The following CLCNKB variants were observed in gnomAD, a reference collection of about 807,000 sequenced individuals.
CLCNKB encodes the protein chloride channel protein ClC-Kb.
Under a neutral mutation model 83.8 loss-of-function variants are expected in CLCNKB, and 74 were observed. The ratio of observed to expected loss-of-function variants is 0.88; its 90% CI spans 0.73 to 1.07. The LOEUF is 1.07. Ranked by LOEUF, CLCNKB falls within the 50% of genes least tolerant of loss-of-function variation. The pLI is 0.00. For missense variants in CLCNKB, 798 were observed against 893.6 expected (o/e 0.89, Z 1.36); for synonymous variants, 358 against 356.6 (o/e 1.00, Z -0.04).
intron 5 of CLCNKB, 39 bp from the exon 6 acceptor site, chr1:16,048,304 G>A: frequency 6.2e-7 from 1 of 1,611,038 alleles, no homozygotes; most frequent in Non-Finnish European, 8.5e-7. Flanking sequence ...CGTCTCTGCT[G>A]CCCTCACCTG....
At chr1:16,056,310 C>A (rs1243646708) in intron 18 of CLCNKB, 112 bp from the exon 19 acceptor site, 1 of 1,101,236 alleles carries the variant, frequency 9.1e-7, no homozygotes, top group South Asian at 1.2e-5. Flanking sequence ...CTCTTGTCTC[C>A]CACACACATC....
At chr1:16,051,623 C>T in intron 13 of CLCNKB, 76 bp downstream of exon 13, 1 of 1,606,554 alleles carries the variant, frequency 6.2e-7, no homozygotes, top group African/African-American at 1.3e-5. Flanking sequence ...TCACCCTCCC[C>T]AGGTTGTACT....
chr1:16,049,350 T>G, intron 8 of CLCNKB, 105 bp downstream of exon 8: 1 of 1,549,644 alleles, frequency 6.5e-7, no homozygotes, highest in Non-Finnish European at 8.7e-7. Context: ...TCCCTCTCTC[T>G]CCCTCTTTTT....
chr1:16,051,356 T>G, intron 12 of CLCNKB, 122 bp from the exon 13 acceptor site: 3 of 1,274,438 alleles, frequency 2.4e-6, no homozygotes, highest in Admixed American at 3.4e-5. Flanking sequence ...ACTCTGGCAG[T>G]GGGTGCATGG....
chr1:16,055,475 G>C lies in CLCNKB; in HGVS notation c.1797G>C (p.Leu599=), dbSNP rs144157543. The C allele has an allele frequency of 6.2e-7, 1 of 1,613,282 alleles. No homozygotes were observed. The highest frequency in any genetic ancestry group is 8.5e-7 in the Non-Finnish European group (1 of 1,179,968). ...TGGGCATAGTGCGAAGGGCCCAGCT[G>C]GTGCAGGCCCTGAAGGCTGAGCCTC... is the stretch of plus-strand genomic sequence containing the variant. ...ILVGIVRRAQ[L]VQALKAEPPS... The change falls in exon 17 of 20, where the codon CTG becomes CTC. Residue 599 remains leucine, a synonymous_variant. Coordinates refer to ENST00000375679, the MANE Select transcript of CLCNKB (RefSeq NM_000085.5).
At chr1:16,048,118 C>G in intron 5 of CLCNKB, 74 bp downstream of exon 5, 1 of 1,557,672 alleles carries the variant, frequency 6.4e-7, no homozygotes, top group East Asian at 2.3e-5. Context: ...CATCACCCCA[C>G]GAAAGCTGCG....
chr1:16,045,747 GC>G lies in CLCNKB; in HGVS notation c.229+63del, dbSNP rs1420371932. On this transcript the variant is annotated intron_variant, in intron 3 of 19. Coordinates refer to ENST00000375679, the MANE Select transcript of CLCNKB (RefSeq NM_000085.5). ...GGGATTCTGAGCTCTCTCTGGGGAT[GC>G]CAGGTGGATGTCGCCAGGTGCAGCG... 3 of 1,421,672 alleles carry G rather than the reference GC, an allele frequency of 2.1e-6. No individual in the cohort carries two copies. The East Asian group carries it at 1.0e-4, about 48-fold the overall frequency. The allele number at this position is 1,421,672 out of a possible 1,614,324, so 88.1% of individuals were successfully genotyped here. A position where few individuals can be genotyped will look rare whatever the true frequency, so the allele number is the denominator to read the frequency against.
Position 16,056,424 on chromosome 1 carries a change from A to T in CLCNKB, c.1932A>T (p.Ala644=). 1.2e-6 allele frequency: 2 copies of T among 1,614,004 alleles called. No individual in the cohort carries two copies. The highest frequency in any genetic ancestry group is 1.7e-6 in the Non-Finnish European group (2 of 1,179,976). Residue 644 remains alanine, a splice_region_variant and synonymous_variant, in exon 19 of 20, where the codon GCA becomes GCT. Coordinates refer to ENST00000375679, the MANE Select transcript of CLCNKB (RefSeq NM_000085.5). ...GTTTCCTAACATCCCCCATCCAGGCACACAACCTCTTTGAGCTGTTGAACC... is the reference window on the plus strand; with the variant it reads ...GTTTCCTAACATCCCCCATCCAGGCTCACAACCTCTTTGAGCTGTTGAACC... ...KLSPETSLHE[A]HNLFELLNLH... is the part of the protein sequence containing the mutation.
At chr1:16,050,003 A>G in intron 10 of CLCNKB, 87 bp downstream of exon 10, 1 of 818,322 alleles carries the variant, frequency 1.2e-6, no homozygotes, top group East Asian at 2.8e-5. Flanking sequence ...TCTACCCGCC[A>G]CCTGAGCCCC....
Position 16,048,363 on chromosome 1 carries a change from T to A in CLCNKB, c.519T>A (p.Ser173=), listed in dbSNP as rs770470318. The change falls in exon 6 of 20, where the codon TCT becomes TCA. Residue 173 remains serine, a synonymous_variant. Transcript: ENST00000375679. ...LGKVGPFVHL[S]VMMAAYLGRV... is the part of the protein sequence containing the mutation. ...TGCAGGGCCCTTTCGTGCACCTGTCTGTGATGATGGCTGCCTACCTGGGCC... is the reference window on the plus strand; with the variant it reads ...TGCAGGGCCCTTTCGTGCACCTGTCAGTGATGATGGCTGCCTACCTGGGCC... 1.6e-5 allele frequency: 26 copies of A among 1,613,926 alleles called. No individual in the cohort carries two copies. Among genetic ancestry groups the A allele is most frequent in the African/African-American group, 4.0e-5 (3 of 74,934 alleles).
intron 4 of CLCNKB, 111 bp downstream of exon 4, chr1:16,046,774 A>T: frequency 7.0e-7 from 1 of 1,428,194 alleles, no homozygotes; most frequent in Non-Finnish European, 9.8e-7. Context: ...AGGAAGAGTC[A>T]TGTGGCTTGC....
In CLCNKB at chr1:16,046,596, T is replaced by C. The variant is rs1239752108; in HGVS notation, c.291T>C (p.Thr97=). ...DSHLLRYLSW[T]VYPVALVSFS... ...ACCTGCTCCGGTATCTCTCCTGGAC[T>C]GTGTACCCTGTGGCCCTCGTCTCTT... is the stretch of plus-strand genomic sequence containing the variant. The change falls in exon 4 of 20, where the codon ACT becomes ACC. Residue 97 remains threonine (T), a synonymous_variant. Coordinates refer to ENST00000375679, the MANE Select transcript of CLCNKB (RefSeq NM_000085.5). The C allele has an allele frequency of 6.2e-7, 1 of 1,614,040 alleles. No homozygotes were observed. The highest frequency in any genetic ancestry group is 8.5e-7 in the Non-Finnish European group (1 of 1,180,022).
intron 19 of CLCNKB, 42 bp downstream of exon 19, chr1:16,056,550 C>T (rs1421557310): frequency 1.3e-6 from 2 of 1,484,860 alleles, no homozygotes; most frequent in African/African-American, 2.8e-5. Context: ...GGAACCTATG[C>T]CTGAGAAGAC....
chr1:16,053,576 C>T (rs1557472282), intron 15 of CLCNKB, 63 bp from the exon 16 acceptor site: 1 of 1,612,266 alleles, frequency 6.2e-7, no homozygotes, highest in East Asian at 2.2e-5. Flanking sequence ...CCACAGATCC[C>T]CCTGCCAGCC....
At chr1:16,046,770 A>G in intron 4 of CLCNKB, 107 bp downstream of exon 4, 1 of 1,441,638 alleles carries the variant, frequency 6.9e-7, no homozygotes, top group Non-Finnish European at 9.7e-7. Context: ...GCCCAGGAAG[A>G]GTCATGTGGC....
chr1:16,056,731 G>A, intron 19 of CLCNKB, 138 bp from the exon 20 acceptor site: 1 of 945,944 alleles, frequency 1.1e-6, no homozygotes, highest in Non-Finnish European at 1.7e-6. Flanking sequence ...CGGCCTCAGT[G>A]ATCCCATCTG....
intron 15 of CLCNKB, among the ~76,000 whole-genome samples, 162 bp from the exon 16 acceptor site, chr1:16,053,477 C>T (rs2023353974): frequency 1.3e-5 from 2 of 152,120 alleles, no homozygotes; most frequent in Non-Finnish European, 2.9e-5. Flanking sequence ...TTTCCTCTCA[C>T]CGTGGGTTCT....
At chr1:16,053,578 C>A in intron 15 of CLCNKB, 61 bp from the exon 16 acceptor site, 1 of 1,612,678 alleles carries the variant, frequency 6.2e-7, no homozygotes, top group Non-Finnish European at 8.5e-7. Flanking sequence ...ACAGATCCCC[C>A]TGCCAGCCTG....
intron 7 of CLCNKB, chr1:16,048,816 C>T (rs2023186444): frequency 2.8e-6 from 4 of 1,443,212 alleles, no homozygotes; most frequent in Middle Eastern, 2.6e-4. Flanking sequence ...GGTTTGAAAT[C>T]CACGTATGAC....
Sources: gnomAD v4.1 joint callset for allele counts (sites outside exome capture counted in the v4.1 genomes callset) on GRCh38, gnomAD v4.1.1 for gene constraint, MANE v1.5 for transcripts, NCBI Gene and HGNC (gene_info 2026-07-23, HGNC 2026-07-21) for gene names.